CRTC1: variants seen among roughly 807,000 people sequenced by gnomAD.
The protein encoded by CRTC1 is CREB regulated transcription coactivator 1.
CRTC1 carries 18 observed loss-of-function variants against 66.1 expected under a neutral mutation model. The ratio of observed to expected loss-of-function variants is 0.27; its 90% CI spans 0.19 to 0.40. CRTC1 has a LOEUF of 0.40. Ranked by LOEUF, CRTC1 falls within the 10% of genes least tolerant of loss-of-function variation. The pLI is 1.00. For synonymous variants in CRTC1, 416 were observed against 398.8 expected, an observed-to-expected ratio of 1.04 and a Z score of -0.51; for missense variants, 669 against 887.9, an observed-to-expected ratio of 0.75 and a Z score of 3.13.
chr19:18,715,332 A>G (rs1474437321), intron 1 of CRTC1, among the ~76,000 whole-genome samples: 2 of 152,050 alleles, frequency 1.3e-5, no homozygotes, highest in African/African-American at 4.8e-5. Context: ...GGTTCAAGCA[A>G]TTCTCCTGCC....
At chr19:18,751,428 G>A (rs887762246) in intron 5 of CRTC1, among the ~76,000 whole-genome samples, 1 of 152,180 alleles carries the variant, frequency 6.6e-6, no homozygotes, top group Non-Finnish European at 1.5e-5. Context: ...GGAGGCTGAG[G>A]CAGGAGGGGG....
chr19:18,750,938 G>A (rs1250287360), intron 5 of CRTC1, among the ~76,000 whole-genome samples: 2 of 152,192 alleles, frequency 1.3e-5, no homozygotes, highest in Non-Finnish European at 2.9e-5. Flanking sequence ...CCCACAGACA[G>A]CACGTCCGAG....
chr19:18,684,995 C>A (rs1000086701), intron 1 of CRTC1, among the ~76,000 whole-genome samples: 9 of 152,162 alleles, frequency 5.9e-5, no homozygotes, highest in Non-Finnish European at 1.3e-4. Context: ...AGACCTCTCT[C>A]CTGCATCCTG....
intron 2 of CRTC1, among the ~76,000 whole-genome samples, chr19:18,743,460 AGCC>A (rs1408689553): frequency 6.6e-6 from 1 of 152,238 alleles, no homozygotes; most frequent in Non-Finnish European, 1.5e-5. Context: ...CAGGCCGCAC[AGCC>A]GCCGTGCACA....
intron 1 of CRTC1, among the ~76,000 whole-genome samples, chr19:18,738,205 TACTC>T (rs1377644839): frequency 6.6e-6 from 1 of 152,136 alleles, no homozygotes; most frequent in African/African-American, 2.4e-5. Flanking sequence ...TGGCCCCAGA[TACTC>T]AGGAGGCCAA....
At position 18,777,912 on chromosome 19, in the gene CRTC1, G is replaced by A. The variant is rs540626943; in HGVS notation, c.*530G>A. On this transcript the variant is annotated 3_prime_UTR_variant, in exon 14 of 14. Coordinates refer to ENST00000321949, the MANE Select transcript of CRTC1 (RefSeq NM_015321.3). The surrounding 1 kb of genome is among the most constrained non-coding windows in gnomAD (Gnocchi z 5.5). Reference sequence around the variant, plus strand: ...CGCCCCAGGGAGGAGGCGCCAGAGCGCGGGGCAGACGCAAAGTGAAATAAA... The same window carrying A: ...CGCCCCAGGGAGGAGGCGCCAGAGCACGGGGCAGACGCAAAGTGAAATAAA... 11 of 261,156 alleles carry A rather than the reference G, an allele frequency of 4.2e-5. No individual in the cohort carries two copies. The South Asian group carries it at 8.9e-4, about 21-fold the overall frequency. The allele number at this position is 261,156 out of a possible 1,614,324, so 16.2% of individuals were successfully genotyped here. A position where few individuals can be genotyped will look rare whatever the true frequency, so the allele number is the denominator to read the frequency against.
chr19:18,757,439 C>T (rs1431375149), intron 6 of CRTC1, among the ~76,000 whole-genome samples: 2 of 152,198 alleles, frequency 1.3e-5, no homozygotes, highest in Non-Finnish European at 2.9e-5. Context: ...TGTCTGTGAG[C>T]GGTGGGGGCT....
rs1200617081 is a variant in CRTC1 at position 18,745,857 on chromosome 19, G to A, written c.278G>A (p.Arg93Gln). ...CAATCCTCGGGCCTGGACACCAGCC[G>A]GACCACCCGGCACCATGGGCTGGTG... Reference protein sequence around the residue: ...PFQSSGLDTSRTTRHHGLVDR... With the variant: ...PFQSSGLDTSQTTRHHGLVDR... Residue 93 changes from arginine (R) to glutamine (Q), a missense_variant, in exon 3 of 14, where the codon CGG becomes CAG. Arg to Gln is a conservative substitution (Grantham distance 43, BLOSUM62 1). Transcript: ENST00000321949. The A allele has an allele frequency of 1.9e-6, 3 of 1,613,778 alleles. No individual in the cohort carries two copies. Among genetic ancestry groups the A allele is most frequent in the Non-Finnish European group, 2.5e-6 (3 of 1,179,946 alleles).
rs369650858 is a variant in CRTC1, at chr19:18,777,352, C to T, written c.1875C>T (p.Thr625=). The change falls in exon 14 of 14, where the codon ACC becomes ACT. Residue 625 remains threonine, a synonymous_variant. Coordinates refer to ENST00000321949, the MANE Select transcript of CRTC1 (RefSeq NM_015321.3). The surrounding 1 kb of genome is among the most constrained non-coding windows in gnomAD (Gnocchi z 5.5). ...ACATGGTTCTGGCCGACCCAGCCAC[C>T]GAGGACACCTTCCGGATGGACCGCC... ...DPDMVLADPA[T]EDTFRMDRL 2.6e-5 allele frequency: 42 copies of T among 1,606,232 alleles called. 1 individual carries two copies. Among genetic ancestry groups the T allele is most frequent in the African/African-American group, 2.5e-4 (19 of 74,936 alleles).
At chr19:18,734,526 GAAAAA>G (rs112158816) in intron 1 of CRTC1, among the ~76,000 whole-genome samples, 1 of 122,804 alleles carries the variant, frequency 8.1e-6, no homozygotes, top group Non-Finnish European at 1.8e-5. Context: ...TCTACAGAAA[GAAAAA>G]AAAAAAAAAG....
intron 1 of CRTC1, among the ~76,000 whole-genome samples, chr19:18,716,999 G>A (rs2053523317): frequency 6.6e-6 from 1 of 151,820 alleles, no homozygotes; most frequent in Non-Finnish European, 1.5e-5. Flanking sequence ...CAGGACAGGA[G>A]TGTGAGCATG....
intron 1 of CRTC1, among the ~76,000 whole-genome samples, chr19:18,688,859 C>T (rs2052754093): frequency 6.6e-6 from 1 of 152,132 alleles, no homozygotes; most frequent in African/African-American, 2.4e-5. Flanking sequence ...ATTTCGTACC[C>T]CCAGAAAGAG....
At chr19:18,770,882 T>G (rs1170130022) in intron 10 of CRTC1, among the ~76,000 whole-genome samples, 1 of 143,740 alleles carries the variant, frequency 7.0e-6, no homozygotes, top group African/African-American at 2.6e-5. Flanking sequence ...GTGTGTACAT[T>G]TGTGTGCATG....
At chr19:18,756,877 G>A (rs183040986) in intron 6 of CRTC1, among the ~76,000 whole-genome samples, 5 of 152,270 alleles carry the variant, frequency 3.3e-5, no homozygotes, top group Admixed American at 3.3e-4. Flanking sequence ...TCTTGAGAAC[G>A]TGATCGCCGG....
intron 1 of CRTC1, among the ~76,000 whole-genome samples, chr19:18,685,045 G>T (rs543909625): frequency 6.6e-6 from 1 of 152,276 alleles, no homozygotes; most frequent in African/African-American, 2.4e-5. Flanking sequence ...GCAGATGCTC[G>T]TATCCCTGGT....
At chr19:18,701,454 T>C (rs2053137793) in intron 1 of CRTC1, among the ~76,000 whole-genome samples, 1 of 152,246 alleles carries the variant, frequency 6.6e-6, no homozygotes, top group Non-Finnish European at 1.5e-5. Context: ...GAGCTGCTAC[T>C]TGGGGCAACA....
intron 8 of CRTC1, among the ~76,000 whole-genome samples, chr19:18,761,478 G>A (rs572311937): frequency 2.6e-5 from 4 of 152,326 alleles, no homozygotes; most frequent in South Asian, 2.1e-4. Context: ...AACCGGCCCC[G>A]GCCCACTCCA....
At position 18,744,231 on chromosome 19, in the gene CRTC1, G is replaced by A. The variant is rs1041231549; in HGVS notation, c.243+1205G>A. ...AGACCCCGACCCGTGTGCGGGCGCT[G>A]GGGATCCCTGAGCTCCCCAAGCGGC... On this transcript the variant is annotated intron_variant, in intron 2 of 13. Transcript: ENST00000321949. 1.3e-5 allele frequency: 19 copies of A among 1,448,694 alleles called. No individual in the cohort carries two copies. In the African/African-American group the frequency reaches 2.7e-4, roughly 20 times the overall value. The allele number at this position is 1,448,694 out of a possible 1,614,324, so 89.7% of individuals were successfully genotyped here. A position where few individuals can be genotyped will look rare whatever the true frequency, so the allele number is the denominator to read the frequency against.
At chr19:18,712,348 T>C (rs901741239) in intron 1 of CRTC1, among the ~76,000 whole-genome samples, 6 of 152,020 alleles carry the variant, frequency 3.9e-5, no homozygotes, top group African/African-American at 1.5e-4. Context: ...AGCCTCCACC[T>C]CCCGGGTTTA....
Sources: gnomAD v4.1 joint callset for allele counts (sites outside exome capture counted in the v4.1 genomes callset) on GRCh38, gnomAD v4.1.1 for gene constraint, Gnocchi (gnomAD v3.1) non-coding constraint, MANE v1.5 for transcripts, NCBI Gene and HGNC (gene_info 2026-07-23, HGNC 2026-07-21) for gene names.